TIAM1: variants seen among roughly 807,000 people sequenced by gnomAD.
The protein encoded by TIAM1 is TIAM Rac1 associated GEF 1, also known as rho guanine nucleotide exchange factor TIAM1.
Under a neutral mutation model 163.5 loss-of-function variants are expected in TIAM1, and 65 were observed. The observed-to-expected ratio is 0.40, with a 90% CI of 0.33 to 0.49. The LOEUF is 0.49. Among genes scored for constraint, TIAM1 ranks in the 20% least tolerant of loss-of-function variants. The pLI is 0.77. For synonymous variants in TIAM1, 833 were observed against 810.1 expected (o/e 1.03, Z -0.48); for missense variants, 1,789 against 2,044.7 (o/e 0.87, Z 2.41).
intron 1 of TIAM1, among the ~76,000 whole-genome samples, chr21:31,530,275 TAC>T (rs2047929968): frequency 6.6e-6 from 1 of 152,272 alleles, no homozygotes; most frequent in African/African-American, 2.4e-5. Flanking sequence ...AAGTTATCTC[TAC>T]ACAACATTTC....
intron 1 of TIAM1, among the ~76,000 whole-genome samples, chr21:31,533,732 T>G (rs772581787): frequency 6.6e-6 from 1 of 151,980 alleles, no homozygotes; most frequent in South Asian, 2.1e-4. Flanking sequence ...ACCCTGTCTC[T>G]AAAAAAATAA....
intron 2 of TIAM1, among the ~76,000 whole-genome samples, chr21:31,294,999 A>C (rs1263578707): frequency 2.0e-5 from 3 of 152,214 alleles, no homozygotes; most frequent in Non-Finnish European, 4.4e-5. Context: ...AAGGTAAATA[A>C]GATCCTGACG....
intron 1 of TIAM1, among the ~76,000 whole-genome samples, chr21:31,502,813 C>T (rs181503910): frequency 1.2e-4 from 18 of 152,328 alleles, no homozygotes; most frequent in African/African-American, 4.1e-4. Context: ...TGGTTGCCAG[C>T]CATTTCTCTG....
In TIAM1 at chr21:31,380,461, T is replaced by G. The variant is rs188874410; in HGVS notation, c.-368-41039A>C. 2.2e-4 allele frequency among the ~76,000 whole-genome samples: 34 copies of G among 152,248 alleles called. No homozygotes were observed. In the East Asian group the frequency reaches 6.6e-3, roughly 29 times the overall value. On this transcript the variant is annotated intron_variant, in intron 2 of 28. Transcript: ENST00000286827. ...GGGAGGCTGAGGCAGGAGAATCACT[T>G]GAATCCAGGAGGCGGAGGATGCAGT...
chr21:31,536,964 A>G (rs1377155412), intron 1 of TIAM1, among the ~76,000 whole-genome samples: 1 of 152,220 alleles, frequency 6.6e-6, no homozygotes, highest in African/African-American at 2.4e-5. Flanking sequence ...TCCAAAATCC[A>G]AAGTGTTGGC....
intron 1 of TIAM1, among the ~76,000 whole-genome samples, chr21:31,552,320 A>G (rs2048719760): frequency 6.6e-6 from 1 of 152,158 alleles, no homozygotes; most frequent in Non-Finnish European, 1.5e-5. Flanking sequence ...TCTGCATGAA[A>G]TAAAAATATA....
At chr21:31,303,047 G>A (rs1030461176) in intron 2 of TIAM1, among the ~76,000 whole-genome samples, 6 of 152,056 alleles carry the variant, frequency 3.9e-5, no homozygotes, top group Non-Finnish European at 5.9e-5. Context: ...TCACTAAAAC[G>A]AACAAGATAC....
chr21:31,172,630 A>C (rs568938291), intron 15 of TIAM1, among the ~76,000 whole-genome samples: 1 of 152,292 alleles, frequency 6.6e-6, no homozygotes, highest in African/African-American at 2.4e-5. Context: ...CTCGGTCTAG[A>C]GAGACAAAGT....
At chr21:31,331,624 T>C (rs1433150535) in intron 2 of TIAM1, among the ~76,000 whole-genome samples, 1 of 152,208 alleles carries the variant, frequency 6.6e-6, no homozygotes, top group Non-Finnish European at 1.5e-5. Context: ...AGGCCTTCCA[T>C]TGGACAGCAC....
intron 20 of TIAM1, among the ~76,000 whole-genome samples, chr21:31,142,463 C>CCAA (rs1378472764): frequency 4.0e-5 from 2 of 49,926 alleles, no homozygotes; most frequent in African/African-American, 1.9e-4. Context: ...ACTAAAAATA[C>CCAA]AAAAAAAAAA....
chr21:31,487,186 G>A (rs183764306), intron 1 of TIAM1, among the ~76,000 whole-genome samples: 4 of 152,242 alleles, frequency 2.6e-5, no homozygotes, highest in African/African-American at 7.2e-5. Flanking sequence ...GGGCACATTT[G>A]ATGGTGTCTG....
At chr21:31,523,418 A>T (rs1017148772) in intron 1 of TIAM1, among the ~76,000 whole-genome samples, 3 of 152,234 alleles carry the variant, frequency 2.0e-5, no homozygotes, top group African/African-American at 7.2e-5. Flanking sequence ...CTCATTTAAG[A>T]CTCTTCAAAA....
At position 31,159,825 on chromosome 21, in the gene TIAM1, A is replaced by AC. The variant is rs566004575; in HGVS notation, c.2991+5136dup. On this transcript the variant is annotated intron_variant, in intron 16 of 27. Transcript: ENST00000541036. ...TTTTGCTAAATTATTTCTTGCCATT[A>AC]CCCCACTACACTTCCTCATTGGAGA... is the stretch of plus-strand genomic sequence containing the variant. Among the ~76,000 whole-genome samples the AC allele has an allele frequency of 2.8e-4, 43 of 152,322 alleles. 1 individual carries two copies. In the South Asian group the frequency reaches 8.7e-3, roughly 31 times the overall value.
intron 2 of TIAM1, among the ~76,000 whole-genome samples, chr21:31,451,760 T>A (rs111700678): frequency 0.37 from 50,761 of 138,060 alleles, 9,207 homozygotes; most frequent in Non-Finnish European, 0.41. Flanking sequence ...TGTGTGTGTG[T>A]GAGACACAGA....
At chr21:31,301,007 C>T (rs970775540) in intron 2 of TIAM1, among the ~76,000 whole-genome samples, 2 of 152,216 alleles carry the variant, frequency 1.3e-5, no homozygotes, top group African/African-American at 4.8e-5. Flanking sequence ...TTATAGTAGA[C>T]AACCCCCAGT....
At chr21:31,438,865 G>C (rs768785306) in intron 2 of TIAM1, among the ~76,000 whole-genome samples, 6 of 152,148 alleles carry the variant, frequency 3.9e-5, no homozygotes, top group African/African-American at 2.4e-5. Context: ...ACCCCACTAT[G>C]ACAACCAAAA....
At chr21:31,299,891 T>C (rs1347013634) in intron 2 of TIAM1, among the ~76,000 whole-genome samples, 1 of 152,218 alleles carries the variant, frequency 6.6e-6, no homozygotes, top group Non-Finnish European at 1.5e-5. Context: ...GATCAATAAA[T>C]GGCAGCCTGG....
At chr21:31,337,692 G>A (rs752609664) in intron 2 of TIAM1, among the ~76,000 whole-genome samples, 20 of 151,634 alleles carry the variant, frequency 1.3e-4, no homozygotes, top group African/African-American at 3.6e-4. Flanking sequence ...CCACCACACC[G>A]GGCTAATTTT....
chr21:31,214,918 C>T (rs1444717688), intron 9 of TIAM1, among the ~76,000 whole-genome samples: 2 of 151,872 alleles, frequency 1.3e-5, no homozygotes, highest in African/African-American at 4.8e-5. Context: ...TGAGCCACCA[C>T]CCCGGCCAAA....
Sources: allele counts gnomAD v4.1 joint callset (sites outside exome capture counted in the v4.1 genomes callset), GRCh38; gene constraint gnomAD v4.1.1; transcripts MANE v1.5; gene names NCBI Gene and HGNC (gene_info 2026-07-23, HGNC 2026-07-21).